C12orf42: variants seen among roughly 807,000 people sequenced by gnomAD.
C12orf42 encodes the protein uncharacterized protein C12orf42.
A neutral mutation model predicts 21.6 loss-of-function variants in C12orf42; 25 were observed. The observed-to-expected ratio is 1.16, with a 90% CI of 0.84 to 1.62. C12orf42 has a LOEUF of 1.62. Ranked by LOEUF, C12orf42 falls within the 40% of genes most tolerant of loss-of-function variation. The pLI, the probability that C12orf42 is intolerant of heterozygous loss-of-function variation, is 0.00. For missense variants in C12orf42, 483 were observed against 459.3 expected (o/e 1.05, Z -0.47); for synonymous variants, 174 against 175.0 (o/e 0.99, Z 0.05).
intron 2 of C12orf42, among the ~76,000 whole-genome samples, chr12:103,413,563 A>G (rs1456313478): frequency 6.6e-6 from 1 of 151,450 alleles, no homozygotes; most frequent in Admixed American, 6.6e-5. Flanking sequence ...GATTTCTGAG[A>G]TTTTGGTGCA....
At chr12:103,518,180 G>A in the C12orf42 span, among the ~76,000 whole-genome samples, 2 of 152,192 alleles carry the variant, frequency 1.3e-5, no homozygotes, top group East Asian at 3.8e-4. Flanking sequence ...GTCTACTGAT[G>A]TATGGTCAGA....
At chr12:103,367,172 T>G (rs1186325377) in intron 4 of C12orf42, among the ~76,000 whole-genome samples, 1 of 152,052 alleles carries the variant, frequency 6.6e-6, no homozygotes, top group East Asian at 1.9e-4. Context: ...GAGACTATTA[T>G]TCTAAGTGAA....
chr12:103,278,303 A>T (rs1009900841), intron 4 of C12orf42, among the ~76,000 whole-genome samples: 1 of 152,220 alleles, frequency 6.6e-6, no homozygotes, highest in African/African-American at 2.4e-5. Flanking sequence ...TGCTTTTAGA[A>T]ATCATTTTTT....
intron 2 of C12orf42, among the ~76,000 whole-genome samples, chr12:103,439,346 G>A (rs1203955046): frequency 6.6e-6 from 1 of 151,718 alleles, no homozygotes; most frequent in Non-Finnish European, 1.5e-5. Flanking sequence ...CATAGGCATG[G>A]GCAAGGACTT....
At chr12:103,151,346 A>G in the C12orf42 span, among the ~76,000 whole-genome samples, 1 of 136,348 alleles carries the variant, frequency 7.3e-6, no homozygotes, top group African/African-American at 3.1e-5. Context: ...TTCAGAGTAT[A>G]TATATACATA....
At chr12:103,517,162 A>G in the C12orf42 span, among the ~76,000 whole-genome samples, 1 of 152,258 alleles carries the variant, frequency 6.6e-6, no homozygotes, top group Non-Finnish European at 1.5e-5. Context: ...ACACAGGGAA[A>G]GAGGTGTTTT....
the C12orf42 span, among the ~76,000 whole-genome samples, chr12:103,158,819 G>A: frequency 6.6e-6 from 1 of 150,452 alleles, no homozygotes; most frequent in Non-Finnish European, 1.5e-5. Flanking sequence ...GGCGGAGGTT[G>A]CAGTGAGCCG....
the C12orf42 span, among the ~76,000 whole-genome samples, chr12:103,533,560 G>A: frequency 1.7e-4 from 26 of 152,312 alleles, no homozygotes; most frequent in African/African-American, 6.0e-4. Context: ...CTGTATTCTA[G>A]ATAGTTAATG....
chr12:103,375,648 G>A lies in C12orf42; in HGVS notation c.148-6650C>T, dbSNP rs116734132. Among the ~76,000 whole-genome samples the A allele has an allele frequency of 4.8e-3, 735 of 152,166 alleles. 10 individuals are homozygous for A. Among genetic ancestry groups the A allele is most frequent in the African/African-American group, 0.017 (696 of 41,538 alleles). On this transcript the variant is annotated intron_variant, in intron 3 of 5. Transcript: ENST00000548883. ...TTTGTTCAGCTTGTAGGTTCAGATT[G>A]TCATTCGTGTATTGCTATTACCCCA...
intron 2 of C12orf42, among the ~76,000 whole-genome samples, chr12:103,448,190 G>A (rs1282487093): frequency 2.6e-5 from 4 of 151,958 alleles, no homozygotes; most frequent in Non-Finnish European, 5.9e-5. Context: ...CATGAAGTCG[G>A]GAAAGGATAC....
the C12orf42 span, among the ~76,000 whole-genome samples, chr12:103,188,711 C>G: frequency 1.3e-5 from 2 of 152,166 alleles, no homozygotes; most frequent in Admixed American, 6.5e-5. Context: ...CTCTTGCTTC[C>G]TCTCTTGTCA....
intron 10 of C12orf42, among the ~76,000 whole-genome samples, chr12:103,246,495 CTG>C (rs1853006226): frequency 6.6e-6 from 1 of 151,942 alleles, no homozygotes; most frequent in African/African-American, 2.4e-5. Flanking sequence ...CCATATGACT[CTG>C]TACCATATGT....
At chr12:103,255,446 C>T (rs2034515363) in intron 10 of C12orf42, among the ~76,000 whole-genome samples, 1 of 151,980 alleles carries the variant, frequency 6.6e-6, no homozygotes, top group Non-Finnish European at 1.5e-5. Context: ...TTAAAATCTC[C>T]CATTTAAATT....
At chr12:103,191,387 A>G in the C12orf42 span, among the ~76,000 whole-genome samples, 1 of 151,994 alleles carries the variant, frequency 6.6e-6, no homozygotes, top group Non-Finnish European at 1.5e-5. Context: ...ATGGTGGTGC[A>G]TGAACCACTT....
chr12:103,265,395 T>C (rs1424170049), downstream of C12orf42, among the ~76,000 whole-genome samples: 4 of 152,224 alleles, frequency 2.6e-5, no homozygotes, highest in East Asian at 7.7e-4. Flanking sequence ...GTCCCTGACT[T>C]GCCTTCCTTC....
In C12orf42 at chr12:103,337,787, C is replaced by T. The variant is rs148512293; in HGVS notation, c.259+31100G>A. Among the ~76,000 whole-genome samples, 124 of 152,312 alleles carry T rather than the reference C, an allele frequency of 8.1e-4. 1 individual carries two copies. The highest frequency in any genetic ancestry group is 2.5e-3 in the African/African-American group (105 of 41,582). On this transcript the variant is annotated intron_variant, in intron 4 of 5. Transcript: ENST00000548883. ...ACAAAACCTCATTCCCAGCCCAATACTTACACCACTAAGAAGAGCAAGCCA... is the reference window on the plus strand; with the variant it reads ...ACAAAACCTCATTCCCAGCCCAATATTTACACCACTAAGAAGAGCAAGCCA...
the C12orf42 span, among the ~76,000 whole-genome samples, chr12:103,204,416 G>A: frequency 6.6e-6 from 1 of 152,052 alleles, no homozygotes; most frequent in African/African-American, 2.4e-5. Context: ...AAATGATCAT[G>A]TCTACTGAAA....
intron 4 of C12orf42, among the ~76,000 whole-genome samples, chr12:103,286,055 T>C (rs1173233169): frequency 6.6e-6 from 1 of 152,034 alleles, no homozygotes; most frequent in Non-Finnish European, 1.5e-5. Context: ...GGGACCATTC[T>C]TGCTAACACG....
intron 2 of C12orf42, among the ~76,000 whole-genome samples, chr12:103,432,413 T>A (rs1227318508): frequency 6.6e-6 from 1 of 152,192 alleles, no homozygotes; most frequent in Non-Finnish European, 1.5e-5. Flanking sequence ...TGGTTGGCAG[T>A]GGGAGGACCC....
Sources: allele counts gnomAD v4.1 joint callset (sites outside exome capture counted in the v4.1 genomes callset), GRCh38; gene constraint gnomAD v4.1.1; transcripts MANE v1.5; gene names NCBI Gene and HGNC (gene_info 2026-07-23, HGNC 2026-07-21).